The following PCDHGA3 variants were observed in gnomAD, a reference collection of about 807,000 sequenced individuals.
PCDHGA3 encodes protocadherin gamma-A3.
In PCDHGA3, 40 loss-of-function variants were observed where a neutral mutation model predicts 58.5. The observed-to-expected ratio is 0.68, with a 90% CI of 0.53 to 0.89. PCDHGA3 has a LOEUF of 0.89. PCDHGA3 is among the 40% of genes least tolerant of loss of function. The pLI is 0.00. For synonymous variants in PCDHGA3, 530 were observed against 525.7 expected, an observed-to-expected ratio of 1.01 and a Z score of -0.11; for missense variants, 1,223 against 1,195.9, an observed-to-expected ratio of 1.02 and a Z score of -0.33.
At chr5:141,501,987 G>A (rs1462571527) in intron 2 of PCDHGA3, among the ~76,000 whole-genome samples, 2 of 152,016 alleles carry the variant, frequency 1.3e-5, no homozygotes, top group Non-Finnish European at 2.9e-5. Flanking sequence ...TGGTCCCGTT[G>A]TCTCCCTGAC....
rs1246027327 is a variant in PCDHGA3, at chr5:141,491,976, C to A, written c.2425-2831C>A. On this transcript the variant is annotated intron_variant, in intron 1 of 3. Transcript: ENST00000253812. This position sits in a 1 kb window ranked among gnomAD's most constrained non-coding sequence, Gnocchi z 6.9. ...ACTCAAAAAAGGCCGGGGCCTCCTT[C>A]GAGCTTCCGGTGAATTTCGGGCGAT... 3 of 800,708 alleles carry A rather than the reference C, an allele frequency of 3.7e-6. No individual in the cohort carries two copies. The Admixed American group carries it at 1.1e-4, about 30-fold the overall frequency. 49.6% of individuals were successfully genotyped at this position (800,708 alleles called of 1,614,324 possible).
intron 1 of PCDHGA3, chr5:141,365,288 G>A (rs1293975471): frequency 6.2e-7 from 1 of 1,613,960 alleles, no homozygotes; most frequent in Non-Finnish European, 8.5e-7. Context: ...CATGGAAGTG[G>A]TAGCTCAGGA....
chr5:141,467,535 G>C (rs2099145685), intron 1 of PCDHGA3, among the ~76,000 whole-genome samples: 1 of 152,176 alleles, frequency 6.6e-6, no homozygotes, highest in South Asian at 2.1e-4. Flanking sequence ...GCTGAGATAT[G>C]GATCTGATTA....
chr5:141,361,135 C>G (rs535070372), intron 1 of PCDHGA3: 1 of 1,613,506 alleles, frequency 6.2e-7, no homozygotes, highest in South Asian at 1.1e-5. Flanking sequence ...CTGCAGTATC[C>G]AAGTTGAAAT....
intron 1 of PCDHGA3, chr5:141,364,881 G>T (rs1274418788): frequency 3.1e-6 from 5 of 1,614,016 alleles, no homozygotes; most frequent in Non-Finnish European, 4.2e-6. Context: ...GATGTGGTAA[G>T]CGGAACTGAT....
chr5:141,384,022 G>C, intron 1 of PCDHGA3: 3 of 1,613,680 alleles, frequency 1.9e-6, no homozygotes, highest in Non-Finnish European at 2.5e-6. Context: ...ACAAGACAGA[G>C]ATTCTGGAAA....
At chr5:141,389,332 G>A in intron 1 of PCDHGA3, 2 of 1,613,980 alleles carry the variant, frequency 1.2e-6, no homozygotes, top group Non-Finnish European at 8.5e-7. Context: ...GGGCCCAACG[G>A]CCAAGTCTCT....
chr5:141,385,268 C>A (rs1561607524), intron 1 of PCDHGA3: 3 of 1,613,616 alleles, frequency 1.9e-6, no homozygotes, highest in South Asian at 2.2e-5. Context: ...AAAAATGATT[C>A]TTTGCTAACA....
In PCDHGA3 at chr5:141,487,192, C is replaced by T. The variant is rs2099641028; in HGVS notation, c.2425-7615C>T. ...TAGAGGAAGACACTCATCCAGTTGT[C>T]CCAGATCTTCGAGAATCTTCAGCTC... On this transcript the variant is annotated intron_variant, in intron 1 of 3. Transcript: ENST00000253812. This position sits in a 1 kb window ranked among gnomAD's most constrained non-coding sequence, Gnocchi z 5.0. 15 of 1,613,748 alleles carry T rather than the reference C, an allele frequency of 9.3e-6. No individual in the cohort carries two copies. Among genetic ancestry groups the T allele is most frequent in the African/African-American group, 1.3e-5 (1 of 75,040 alleles).
At position 141,476,290 on chromosome 5, in the gene PCDHGA3, C is replaced by T. The variant is rs768208156; in HGVS notation, c.2425-18517C>T. ...TGGTCGCGAACCTTGGTTTGGATCT[C>T]GGTAGCCTCTCAGCCCGCAGGTTCC... On this transcript the variant is annotated intron_variant, in intron 1 of 3. Coordinates refer to ENST00000253812, the MANE Select transcript of PCDHGA3 (RefSeq NM_018916.4). The surrounding 1 kb of genome is among the most constrained non-coding windows in gnomAD (Gnocchi z 7.6). 1.7e-5 allele frequency: 27 copies of T among 1,613,932 alleles called. No individual in the cohort carries two copies. Among genetic ancestry groups the T allele is most frequent in the Non-Finnish European group, 2.3e-5 (27 of 1,180,018 alleles).
chr5:141,410,849 CTTT>C (rs759346998), intron 1 of PCDHGA3: 1,556 of 136,944 alleles, frequency 0.011, no homozygotes, highest in South Asian at 0.02. Flanking sequence ...TTGTCTTTGT[CTTT>C]TTTTTTTTTT....
chr5:141,355,331 T>A (rs1588509224), intron 1 of PCDHGA3: 2 of 1,613,978 alleles, frequency 1.2e-6, no homozygotes, highest in Non-Finnish European at 8.5e-7. Context: ...GAAGGCTCAG[T>A]GGTGGGCAAC....
At chr5:141,351,793 C>A (rs773058323) in intron 1 of PCDHGA3, 2 of 1,613,378 alleles carry the variant, frequency 1.2e-6, no homozygotes, top group Admixed American at 1.7e-5. Flanking sequence ...GGGTGGTGTT[C>A]GCGCAGCGCG....
chr5:141,355,591 C>T (rs1759908774), intron 1 of PCDHGA3: 1 of 1,613,974 alleles, frequency 6.2e-7, no homozygotes, highest in East Asian at 2.2e-5. Context: ...TGATAACCCA[C>T]CCAGTTTTGG....
Position 141,485,574 on chromosome 5 carries a change from C to T in PCDHGA3, c.2425-9233C>T. 1 of 1,612,568 alleles carries T rather than the reference C, an allele frequency of 6.2e-7. No homozygotes were observed. Among genetic ancestry groups the T allele is most frequent in the Non-Finnish European group, 8.5e-7 (1 of 1,178,752 alleles). On this transcript the variant is annotated intron_variant, in intron 1 of 3. Transcript: ENST00000253812. This position sits in a 1 kb window ranked among gnomAD's most constrained non-coding sequence, Gnocchi z 5.7. ...GTGAATGATCACGCCCCCCGTTTTCCGCGGCAGCAGCTGGACTTGGAAATT... is the reference window on the plus strand; with the variant it reads ...GTGAATGATCACGCCCCCCGTTTTCTGCGGCAGCAGCTGGACTTGGAAATT...
chr5:141,444,494 A>G (rs892854259), intron 1 of PCDHGA3, among the ~76,000 whole-genome samples: 1 of 152,010 alleles, frequency 6.6e-6, no homozygotes, highest in Admixed American at 6.6e-5. Flanking sequence ...ATATTGTGTA[A>G]TACTTTGCTC....
At position 141,489,063 on chromosome 5, in the gene PCDHGA3, C is replaced by A; in HGVS notation, c.2425-5744C>A. ...CTCCACTCAAATTCAGCTCCCCTCC[C>A]CCCTGCCCACCCCCGCCACTCGGTG... On this transcript the variant is annotated intron_variant, in intron 1 of 3. Coordinates refer to ENST00000253812, the MANE Select transcript of PCDHGA3 (RefSeq NM_018916.4). This position sits in a 1 kb window ranked among gnomAD's most constrained non-coding sequence, Gnocchi z 4.5. 2.6e-6 allele frequency: 1 copy of A among 384,986 alleles called. No individual in the cohort carries two copies. Among genetic ancestry groups the A allele is most frequent in the East Asian group, 4.5e-5 (1 of 22,374 alleles). 23.8% of individuals were successfully genotyped at this position (384,986 alleles called of 1,614,324 possible). A position where few individuals can be genotyped will look rare whatever the true frequency, so the allele number is the denominator to read the frequency against.
At chr5:141,450,241 C>T (rs1236675009) in intron 1 of PCDHGA3, among the ~76,000 whole-genome samples, 1 of 152,094 alleles carries the variant, frequency 6.6e-6, no homozygotes, top group East Asian at 1.9e-4. Flanking sequence ...TAGTCTTGAA[C>T]TCCTGACCTC....
chr5:141,406,390 ATTC>A (rs2094804697), intron 1 of PCDHGA3, among the ~76,000 whole-genome samples: 1 of 152,172 alleles, frequency 6.6e-6, no homozygotes, highest in Non-Finnish European at 1.5e-5. Flanking sequence ...AGGTAAATGT[ATTC>A]TTCTTAGAGA....
Sources: allele counts gnomAD v4.1 joint callset (sites outside exome capture counted in the v4.1 genomes callset), GRCh38; gene constraint gnomAD v4.1.1; non-coding constraint Gnocchi (gnomAD v3.1); transcripts MANE v1.5; gene names NCBI Gene and HGNC (gene_info 2026-07-23, HGNC 2026-07-21).